Variants in DLG1 observed in about 807,000 individuals in gnomAD.
DLG1 encodes the protein disks large homolog 1.
A neutral mutation model predicts 123.4 loss-of-function variants in DLG1; 42 were observed. The ratio of observed to expected loss-of-function variants is 0.34; its 90% CI spans 0.27 to 0.44. The LOEUF (loss-of-function observed/expected upper bound fraction) is 0.44. DLG1 is among the 20% of genes least tolerant of loss of function. The pLI, the probability that DLG1 is intolerant of heterozygous loss-of-function variation, is 1.00. For missense variants in DLG1, 942 were observed against 1,082.6 expected (o/e 0.87, Z 1.82); for synonymous variants, 317 against 356.2 (o/e 0.89, Z 1.24).
intron 4 of DLG1, among the ~76,000 whole-genome samples, chr3:197,249,369 G>C (rs896029896): frequency 4.6e-5 from 7 of 151,952 alleles, no homozygotes; most frequent in African/African-American, 1.7e-4. Flanking sequence ...ACCTCAATAA[G>C]CTGATAACAA....
At position 197,260,371 on chromosome 3, in the gene DLG1, A is replaced by G. The variant is rs1239120444; in HGVS notation, c.318+22308T>C. 1.9e-5 allele frequency: 7 copies of G among 364,120 alleles called. No individual in the cohort carries two copies. The East Asian group carries it at 5.8e-4, about 30-fold the overall frequency. 22.6% of individuals were successfully genotyped at this position (364,120 alleles called of 1,614,324 possible). On this transcript the variant is annotated intron_variant, in intron 4 of 24. Transcript: ENST00000667157. The stretch of plus-strand genomic sequence containing the variant: ...GAACAAAACATGTAAATAAAAATAA[A>G]TAAAGCTGTGAGATAAAACCATAAA...
intron 5 of DLG1, among the ~76,000 whole-genome samples, chr3:197,158,909 T>A (rs1398812224): frequency 6.6e-6 from 1 of 152,144 alleles, no homozygotes; most frequent in Non-Finnish European, 1.5e-5. Flanking sequence ...CTGATAGAAA[T>A]AAAGGTTTAA....
chr3:197,132,145 G>A (rs1444295521), intron 10 of DLG1, among the ~76,000 whole-genome samples: 1 of 150,886 alleles, frequency 6.6e-6, no homozygotes, highest in East Asian at 1.9e-4. Context: ...TTGTCATTTT[G>A]TTGATTTTTT....
At chr3:197,186,171 C>T (rs114694028) in intron 5 of DLG1, among the ~76,000 whole-genome samples, 2,478 of 152,174 alleles carry the variant, frequency 0.016, 29 homozygotes, top group Non-Finnish European at 0.025. Context: ...TCAGTATATG[C>T]ACACAAAAAA....
chr3:197,143,762 C>A (rs191053962), intron 6 of DLG1, among the ~76,000 whole-genome samples: 2 of 152,316 alleles, frequency 1.3e-5, no homozygotes, highest in South Asian at 4.2e-4. Context: ...CATTACATAT[C>A]CTGCAATTTT....
At chr3:197,089,414 C>G (rs2149154910) in intron 15 of DLG1, among the ~76,000 whole-genome samples, 1 of 151,804 alleles carries the variant, frequency 6.6e-6, no homozygotes, top group South Asian at 2.1e-4. Flanking sequence ...ACAGTCCCAG[C>G]TACTTGGGGG....
intron 4 of DLG1, among the ~76,000 whole-genome samples, chr3:197,263,483 A>C (rs1226468880): frequency 1.3e-5 from 2 of 152,160 alleles, no homozygotes; most frequent in African/African-American, 2.4e-5. Flanking sequence ...CCAACAGGAC[A>C]AGACTCAAGA....
intron 6 of DLG1, among the ~76,000 whole-genome samples, chr3:197,146,216 G>T (rs1375011696): frequency 6.6e-6 from 1 of 152,030 alleles, no homozygotes; most frequent in Non-Finnish European, 1.5e-5. Flanking sequence ...CTGTGAAAAT[G>T]ACTATACTGC....
chr3:197,051,368 A>T (rs1383257551), intron 24 of DLG1, among the ~76,000 whole-genome samples: 1 of 152,092 alleles, frequency 6.6e-6, no homozygotes, highest in African/African-American at 2.4e-5. Context: ...GGTTGCGGTG[A>T]GCCGAGTCAT....
intron 13 of DLG1, among the ~76,000 whole-genome samples, chr3:197,107,283 G>A (rs1056600381): frequency 5.9e-5 from 9 of 152,188 alleles, no homozygotes; most frequent in African/African-American, 2.2e-4. Context: ...GGTGGCTCAC[G>A]CCTGTAATCC....
At position 197,044,513 on chromosome 3, in the gene DLG1, G is replaced by T; in HGVS notation, c.*110C>A. ...AAGAAGCTGCAGACCATGATGTGTG[G>T]GATACAATTCAACATGAAATCAGTA... is the stretch of plus-strand genomic sequence containing the variant. On this transcript the variant is annotated 3_prime_UTR_variant, in exon 25 of 25. Coordinates refer to ENST00000667157, the MANE Select transcript of DLG1 (RefSeq NM_001366207.1). The T allele has an allele frequency of 1.6e-6, 1 of 635,980 alleles. No homozygotes were observed. 39.4% of individuals were successfully genotyped at this position (635,980 alleles called of 1,614,324 possible). A position where few individuals can be genotyped will look rare whatever the true frequency, so the allele number is the denominator to read the frequency against.
At chr3:197,244,283 G>A (rs1049663255) in intron 4 of DLG1, among the ~76,000 whole-genome samples, 3 of 152,186 alleles carry the variant, frequency 2.0e-5, no homozygotes, top group Non-Finnish European at 4.4e-5. Flanking sequence ...CAGGATGTGA[G>A]GTGTTGGAAG....
At chr3:197,194,163 A>G (rs1721158462) in intron 5 of DLG1, among the ~76,000 whole-genome samples, 1 of 152,188 alleles carries the variant, frequency 6.6e-6, no homozygotes, top group Non-Finnish European at 1.5e-5. Flanking sequence ...GTGGTATTTG[A>G]AATTTAATAG....
chr3:197,140,529 T>C (rs1480191055), intron 7 of DLG1, among the ~76,000 whole-genome samples: 2 of 152,214 alleles, frequency 1.3e-5, no homozygotes, highest in Non-Finnish European at 2.9e-5. Context: ...TAAAAGTATG[T>C]GCAACTTGTC....
At chr3:197,050,403 C>A (rs1411098451) in intron 24 of DLG1, among the ~76,000 whole-genome samples, 1 of 151,270 alleles carries the variant, frequency 6.6e-6, no homozygotes, top group African/African-American at 2.4e-5. Context: ...CCCAAAAAAA[C>A]CCAACAACAA....
intron 24 of DLG1, among the ~76,000 whole-genome samples, chr3:197,046,069 T>G (rs1384255601): frequency 6.6e-6 from 1 of 152,246 alleles, no homozygotes; most frequent in Non-Finnish European, 1.5e-5. Context: ...TTCTACCTTT[T>G]GAGCTAAATG....
intron 16 of DLG1, among the ~76,000 whole-genome samples, chr3:197,084,777 G>GAT (rs1560549554): frequency 2.1e-4 from 32 of 150,794 alleles, no homozygotes; most frequent in Admixed American, 4.0e-4. Flanking sequence ...TATATATATA[G>GAT]ATAGATATAG....
chr3:197,232,733 A>G (rs555690918), intron 4 of DLG1, among the ~76,000 whole-genome samples: 1 of 151,912 alleles, frequency 6.6e-6, no homozygotes, highest in East Asian at 1.9e-4. Flanking sequence ...TGATCCTAAA[A>G]TTACCATCTA....
chr3:197,128,768 G>A (rs1043220401), intron 11 of DLG1, among the ~76,000 whole-genome samples: 1 of 152,156 alleles, frequency 6.6e-6, no homozygotes, highest in Non-Finnish European at 1.5e-5. Context: ...CAGTCTCCCT[G>A]CACACTGCCA....
Sources: allele counts gnomAD v4.1 joint callset (sites outside exome capture counted in the v4.1 genomes callset), GRCh38; gene constraint gnomAD v4.1.1; transcripts MANE v1.5; gene names NCBI Gene and HGNC (gene_info 2026-07-23, HGNC 2026-07-21).